The following WDR33 variants were observed in gnomAD, a reference collection of about 807,000 sequenced individuals.
WDR33 encodes the protein pre-mRNA 3' end processing protein WDR33.
A neutral mutation model predicts 164.9 loss-of-function variants in WDR33; 47 were observed. The observed-to-expected ratio is 0.29, with a 90% CI of 0.23 to 0.36. The LOEUF is 0.36. Ranked by LOEUF, WDR33 falls within the 10% of genes least tolerant of loss-of-function variation. WDR33 has a pLI of 1.00. For missense variants in WDR33, 1,137 were observed against 1,754.1 expected (o/e 0.65, Z 6.28); for synonymous variants, 505 against 589.0 (o/e 0.86, Z 2.06).
rs189639002 is a variant in WDR33 at position 127,721,440 on chromosome 2, C to T, written c.1671+396G>A. Among the ~76,000 whole-genome samples the T allele has an allele frequency of 6.6e-6, 1 of 152,134 alleles. No homozygotes were observed. The highest frequency in any genetic ancestry group is 2.4e-5 in the African/African-American group (1 of 41,506). On this transcript the variant is annotated intron_variant, in intron 15 of 21. Transcript: ENST00000322313. The surrounding 1 kb of genome is among the most constrained non-coding windows in gnomAD (Gnocchi z 4.9). ...GGTTTTAAAAGTCCAAGATATGACT[C>T]AAGGAAGTCACTTAAAAAAAAATTA...
In WDR33 at chr2:127,720,019, T is replaced by C; in HGVS notation, c.2006A>G (p.Gln669Arg). 1.2e-6 allele frequency: 2 copies of C among 1,613,688 alleles called. No homozygotes were observed. The highest frequency in any genetic ancestry group is 8.5e-7 in the Non-Finnish European group (1 of 1,179,870). Residue 669 changes from glutamine (Q) to arginine (R), a missense_variant, in exon 16 of 22, where the codon CAG (glutamine) becomes CGG (arginine). Gln to Arg is a conservative substitution (Grantham distance 43). This residue lies in a region of WDR33 where 867 missense variants were observed against 1,073.0 expected (regional missense o/e 0.81). Coordinates refer to ENST00000322313, the MANE Select transcript of WDR33 (RefSeq NM_018383.5). The surrounding 1 kb of genome is among the most constrained non-coding windows in gnomAD (Gnocchi z 5.9). ...QGPPQGLPRP[Q>R]DMHGPQGMQR... is the part of the protein sequence containing the mutation. ...CATTCCTTGGGGCCCATGCATGTCCTGAGGCCGTGGCAACCCCTGGGGCGG... is the reference window on the plus strand; with the variant it reads ...CATTCCTTGGGGCCCATGCATGTCCCGAGGCCGTGGCAACCCCTGGGGCGG...
Position 127,723,065 on chromosome 2 carries a change from T to C in WDR33, c.1292-21A>G, listed in dbSNP as rs772888314. 5.7e-6 allele frequency: 9 copies of C among 1,576,608 alleles called. No homozygotes were observed. Among genetic ancestry groups the C allele is most frequent in the Middle Eastern group, 1.7e-4 (1 of 5,916 alleles). The stretch of plus-strand genomic sequence containing the variant: ...GTCATCTATAAATAGTAATACACCA[T>C]TGTCAATAGAGAATTTACAAAAGTA... On this transcript the variant is annotated intron_variant, in intron 12 of 21. Coordinates refer to ENST00000322313, the MANE Select transcript of WDR33 (RefSeq NM_018383.5). The surrounding 1 kb of genome is among the most constrained non-coding windows in gnomAD (Gnocchi z 5.9).
chr2:127,782,726 G>A (rs145338546), intron 1 of WDR33, among the ~76,000 whole-genome samples: 2 of 152,214 alleles, frequency 1.3e-5, no homozygotes, highest in African/African-American at 4.8e-5. Flanking sequence ...GTATACAGCA[G>A]GAGCCAGGAG....
At chr2:127,787,477 G>C (rs1171683567) in intron 1 of WDR33, among the ~76,000 whole-genome samples, 16 of 136,154 alleles carry the variant, frequency 1.2e-4, no homozygotes, top group African/African-American at 2.7e-4. Flanking sequence ...GCAGCTGGCC[G>C]GGCGGGGGGC....
chr2:127,805,877 G>A (rs1485029326), intron 1 of WDR33, among the ~76,000 whole-genome samples: 1 of 151,580 alleles, frequency 6.6e-6, no homozygotes, highest in Non-Finnish European at 1.5e-5. Flanking sequence ...AATATCTGTT[G>A]CCACCTATAG....
intron 7 of WDR33, among the ~76,000 whole-genome samples, chr2:127,727,979 T>C (rs1227836585): frequency 3.3e-5 from 5 of 152,164 alleles, no homozygotes; most frequent in African/African-American, 1.2e-4. Flanking sequence ...TGGACATAGG[T>C]TTATCCCAAC....
chr2:127,765,225 C>T lies in WDR33; in HGVS notation c.423G>A (p.Gly141=), dbSNP rs1162976107. 1.2e-6 allele frequency: 2 copies of T among 1,614,088 alleles called. No individual in the cohort carries two copies. The highest frequency in any genetic ancestry group is 1.7e-5 in the Admixed American group (1 of 60,006). ...GRRLVTGASS[G]EFTLWNGLTF... The stretch of plus-strand genomic sequence containing the variant: ...TGAGTCCATTCCACAGGGTAAACTC[C>T]CCACTAGAAGCTCCAGTGACCAAGC... Residue 141 remains glycine, a synonymous_variant, in exon 5 of 22, where the codon GGG becomes GGA. Transcript: ENST00000322313.
chr2:127,719,874 T>A lies in WDR33; in HGVS notation c.2151A>T (p.Ile717=). Residue 717 remains isoleucine, a synonymous_variant, in exon 16 of 22, where the codon ATA becomes ATT. Coordinates refer to ENST00000322313, the MANE Select transcript of WDR33 (RefSeq NM_018383.5). This position sits in a 1 kb window ranked among gnomAD's most constrained non-coding sequence, Gnocchi z 6.5. The part of the protein sequence containing the change: ...PQGPPGPQGH[I]GPQGPPGPQG... ...GAGGGCCAGGCGGGCCTTGGGGGCC[T>A]ATGTGACCCTGTGGGCCAGGTGGAC... 1 of 1,613,616 alleles carries A rather than the reference T, an allele frequency of 6.2e-7. No individual in the cohort carries two copies. Among genetic ancestry groups the A allele is most frequent in the Non-Finnish European group, 8.5e-7 (1 of 1,179,912 alleles).
intron 1 of WDR33, among the ~76,000 whole-genome samples, chr2:127,772,763 C>T (rs1181116584): frequency 1.3e-5 from 2 of 152,038 alleles, no homozygotes; most frequent in Non-Finnish European, 1.5e-5. Context: ...AGCTTCAATG[C>T]TCTACATTTA....
chr2:127,765,050 C>T, intron 5 of WDR33, 71 bp from the exon 6 acceptor site: 1 of 1,572,310 alleles, frequency 6.4e-7, no homozygotes, highest in South Asian at 1.1e-5. Context: ...CTTACAAGAG[C>T]ATATAACTGA....
rs1458988996 is a variant in WDR33 at position 127,718,610 on chromosome 2, C to T, written c.2760+655G>A. On this transcript the variant is annotated intron_variant, in intron 16 of 21. Coordinates refer to ENST00000322313, the MANE Select transcript of WDR33 (RefSeq NM_018383.5). This position sits in a 1 kb window ranked among gnomAD's most constrained non-coding sequence, Gnocchi z 4.4. ...AATCCTCAAAGAAGGAGAATTTCTA[C>T]AGAAATGCTCCCCCCTGCAAATACT... 2.6e-5 allele frequency among the ~76,000 whole-genome samples: 4 copies of T among 152,166 alleles called. No homozygotes were observed. The highest frequency in any genetic ancestry group is 9.7e-5 in the African/African-American group (4 of 41,434).
intron 1 of WDR33, among the ~76,000 whole-genome samples, chr2:127,780,461 C>T (rs1262072988): frequency 1.3e-5 from 2 of 152,158 alleles, no homozygotes; most frequent in Non-Finnish European, 2.9e-5. Context: ...GATCAACATG[C>T]TCTTTCTCTT....
At position 127,713,742 on chromosome 2, in the gene WDR33, G is replaced by A. The variant is rs750844242; in HGVS notation, c.3149C>T (p.Pro1050Leu). The change falls in exon 18 of 22, where the codon CCT becomes CTT. Residue 1050 changes from proline to leucine, a missense_variant. Around this residue, in one of 9 missense-constraint regions of WDR33, gnomAD observed 867 missense variants for 1,073.0 expected, o/e 0.81. Transcript: ENST00000322313. This position sits in a 1 kb window ranked among gnomAD's most constrained non-coding sequence, Gnocchi z 6.2. ...GTGATCAGGGGGAAACGGAGGCCCA[G>A]GGCCCCCTCGCCTCCACTTCTCTTC... ...PQEEKWRRGG[P>L]GPPFPPDHRE... The A allele has an allele frequency of 5.0e-6, 8 of 1,614,204 alleles. No homozygotes were observed. In the East Asian group the frequency reaches 1.1e-4, roughly 22 times the overall value.
At chr2:127,799,393 C>T (rs1333785453) in intron 1 of WDR33, among the ~76,000 whole-genome samples, 1 of 152,074 alleles carries the variant, frequency 6.6e-6, no homozygotes, top group Non-Finnish European at 1.5e-5. Context: ...ATCATGTATC[C>T]GATGAGACTT....
chr2:127,787,176 A>G (rs1394551602), intron 1 of WDR33, among the ~76,000 whole-genome samples: 1 of 92,890 alleles, frequency 1.1e-5, no homozygotes, highest in Non-Finnish European at 2.1e-5. Flanking sequence ...GGTTGGGGGT[A>G]AGGTCACAGA....
At position 127,713,920 on chromosome 2, in the gene WDR33, G is replaced by A. The variant is rs891783621; in HGVS notation, c.2971C>T (p.Arg991Trp). 4 of 1,610,382 alleles carry A rather than the reference G, an allele frequency of 2.5e-6. No individual in the cohort carries two copies. The highest frequency in any genetic ancestry group is 4.5e-5 in the East Asian group (2 of 44,872). ...PEHGPERGPFRGGQDCRGPPD... is the reference protein window; with the variant it reads ...PEHGPERGPFWGGQDCRGPPD... ...GGACCCCTGCAGTCCTGGCCACCCC[G>A]GAAAGGCCCCCTCTCGGGCCCATGC... The change falls in exon 18 of 22, where the codon CGG becomes TGG. Residue 991 changes from arginine to tryptophan, a missense_variant. Arg to Trp is a moderately radical substitution (Grantham distance 101, BLOSUM62 -3). Coordinates refer to ENST00000322313, the MANE Select transcript of WDR33 (RefSeq NM_018383.5). This position sits in a 1 kb window ranked among gnomAD's most constrained non-coding sequence, Gnocchi z 6.2.
In WDR33 at chr2:127,774,715, G is replaced by A. The variant is rs368302111; in HGVS notation, c.-23-3711C>T. ...CGTGGTGGCGGGCGCCTGTAGTCCC[G>A]GCTACTCGGGAGGCTGAGGCAGGAG... On this transcript the variant is annotated intron_variant, in intron 1 of 21. Coordinates refer to ENST00000322313, the MANE Select transcript of WDR33 (RefSeq NM_018383.5). Among the ~76,000 whole-genome samples, 189 of 151,974 alleles carry A rather than the reference G, an allele frequency of 1.2e-3. No individual in the cohort carries two copies. In the Middle Eastern group the frequency reaches 0.014, roughly 11 times the overall value.
At position 127,701,907 on chromosome 2, in the gene WDR33, CG is replaced by C; in HGVS notation, c.*4415del. On this transcript the variant is annotated 3_prime_UTR_variant, in exon 22 of 22. Transcript: ENST00000322313. ...GGCGTTGGCGGGAAGCGCGCTGCTG[CG>C]GGGCGGCGCGGCGTGCGGACGCCTG... 6.9e-7 allele frequency: 1 copy of C among 1,449,318 alleles called. No individual in the cohort carries two copies. Among genetic ancestry groups the C allele is most frequent in the Non-Finnish European group, 9.0e-7 (1 of 1,107,404 alleles). 89.8% of individuals were successfully genotyped at this position (1,449,318 alleles called of 1,614,324 possible). A position where few individuals can be genotyped will look rare whatever the true frequency, so the allele number is the denominator to read the frequency against.
chr2:127,762,585 C>T, intron 7 of WDR33: 1 of 985,864 alleles, frequency 1.0e-6, no homozygotes, highest in Non-Finnish European at 1.2e-6. Context: ...AACAAGCCGG[C>T]CATGTAGTAC....
Sources: allele counts gnomAD v4.1 joint callset (sites outside exome capture counted in the v4.1 genomes callset), GRCh38; gene constraint gnomAD v4.1.1; regional missense constraint gnomAD v4.1.1; non-coding constraint Gnocchi (gnomAD v3.1); transcripts MANE v1.5; gene names NCBI Gene and HGNC (gene_info 2026-07-23, HGNC 2026-07-21).